CDH18: variants seen among roughly 807,000 people sequenced by gnomAD.
CDH18 encodes the protein cadherin 18.
A neutral mutation model predicts 67.9 loss-of-function variants in CDH18; 31 were observed. The ratio of observed to expected loss-of-function variants is 0.46; its 90% CI spans 0.34 to 0.62. The LOEUF (loss-of-function observed/expected upper bound fraction) is 0.62. CDH18 is among the 20% of genes least tolerant of loss of function. The probability of loss-of-function intolerance (pLI) is 0.01; values close to 1 mark genes in which losing one functional copy is unlikely to be tolerated. For synonymous variants in CDH18, 362 were observed against 347.2 expected, an observed-to-expected ratio of 1.04 and a Z score of -0.48; for missense variants, 890 against 975.5, an observed-to-expected ratio of 0.91 and a Z score of 1.17.
intron 10 of CDH18, among the ~76,000 whole-genome samples, chr5:19,516,843 A>G (rs1231370253): frequency 4.6e-5 from 7 of 151,816 alleles, no homozygotes; most frequent in Non-Finnish European, 7.4e-5. Context: ...TTGTGTCTCT[A>G]TCTATGAATT....
intron 3 of CDH18, among the ~76,000 whole-genome samples, chr5:19,767,711 T>A (rs1773271815): frequency 6.6e-6 from 1 of 152,170 alleles, no homozygotes; most frequent in South Asian, 2.1e-4. Flanking sequence ...ATATTATATA[T>A]AATTGTATGG....
chr5:20,521,123 C>G (rs1394817958), intron 1 of CDH18, among the ~76,000 whole-genome samples: 4 of 152,088 alleles, frequency 2.6e-5, no homozygotes, highest in Non-Finnish European at 5.9e-5. Context: ...AGATATTACA[C>G]CAGTACTAAA....
At chr5:20,014,282 G>A (rs1248404671) in intron 2 of CDH18, among the ~76,000 whole-genome samples, 1 of 152,140 alleles carries the variant, frequency 6.6e-6, no homozygotes, top group Non-Finnish European at 1.5e-5. Flanking sequence ...TCAACAGTCT[G>A]CTGGGCAAGA....
intron 7 of CDH18, among the ~76,000 whole-genome samples, chr5:19,572,262 T>A (rs145876842): frequency 1.3e-5 from 2 of 152,140 alleles, no homozygotes; most frequent in African/African-American, 4.8e-5. Flanking sequence ...CATGGTGAGG[T>A]GAGTGAAGGT....
chr5:19,914,760 C>T (rs954102753), intron 2 of CDH18, among the ~76,000 whole-genome samples: 1 of 151,978 alleles, frequency 6.6e-6, no homozygotes, highest in Non-Finnish European at 1.5e-5. Context: ...GAATCAATCA[C>T]TATTTACCAA....
At chr5:19,522,528 A>T (rs1322342554) in intron 9 of CDH18, among the ~76,000 whole-genome samples, 1 of 152,200 alleles carries the variant, frequency 6.6e-6, no homozygotes, top group African/African-American at 2.4e-5. Context: ...AAAGTTGTTC[A>T]TAGCAATTGA....
chr5:19,815,808 T>C (rs1353737575), intron 3 of CDH18, among the ~76,000 whole-genome samples: 2 of 151,956 alleles, frequency 1.3e-5, no homozygotes, highest in Non-Finnish European at 2.9e-5. Flanking sequence ...TTCTCAGTTT[T>C]TTTATTTCAC....
chr5:19,925,070 T>C (rs916037274), intron 2 of CDH18, among the ~76,000 whole-genome samples: 1 of 152,188 alleles, frequency 6.6e-6, no homozygotes, highest in Non-Finnish European at 1.5e-5. Context: ...GTATGTTATA[T>C]GGAATATATA....
chr5:20,460,382 A>T (rs952993578), intron 1 of CDH18, among the ~76,000 whole-genome samples: 7 of 148,096 alleles, frequency 4.7e-5, no homozygotes, highest in Admixed American at 1.4e-4. Context: ...ACAGAGCGAG[A>T]CTCCATCTCT....
chr5:20,401,600 C>T (rs921738767), intron 1 of CDH18, among the ~76,000 whole-genome samples: 2 of 152,062 alleles, frequency 1.3e-5, no homozygotes, highest in Admixed American at 1.3e-4. Flanking sequence ...ATAAAGAAAC[C>T]ACACACTTAT....
chr5:19,883,206 T>A (rs1276681322), intron 2 of CDH18, among the ~76,000 whole-genome samples: 1 of 152,180 alleles, frequency 6.6e-6, no homozygotes, highest in Admixed American at 6.5e-5. Context: ...CAGATGATTC[T>A]TATGACACTT....
intron 3 of CDH18, among the ~76,000 whole-genome samples, chr5:19,774,426 T>TAAAAATAAAATAAAATAAAATAAAA (rs146014082): frequency 1.1e-4 from 16 of 139,390 alleles, no homozygotes; most frequent in Non-Finnish European, 1.8e-4. Context: ...TAAAATAAAA[T>TAAAAATAAAATAAAATAAAATAAAA]TAAAATAAAA....
At chr5:19,607,732 C>A (rs1490056852) in intron 6 of CDH18, among the ~76,000 whole-genome samples, 1 of 150,508 alleles carries the variant, frequency 6.6e-6, no homozygotes, top group Non-Finnish European at 1.5e-5. Context: ...TAAGTGGTCA[C>A]AAGAAACATT....
At chr5:20,538,317 T>C (rs1217620849) in intron 1 of CDH18, among the ~76,000 whole-genome samples, 3 of 152,200 alleles carry the variant, frequency 2.0e-5, no homozygotes, top group Non-Finnish European at 4.4e-5. Flanking sequence ...TTCTAAAGCA[T>C]TTCTCATGAG....
rs1757830787 is a variant in CDH18 at position 20,555,202 on chromosome 5, T to C, written c.-580+20260A>G. ...CCCACATACAAAAAGAGTTAAGTCA[T>C]GGGAGCATGCATTGAGAAGACAGCC... On this transcript the variant is annotated intron_variant, in intron 1 of 14. Transcript: ENST00000507958. Among the ~76,000 whole-genome samples the C allele has an allele frequency of 2.0e-5, 3 of 152,002 alleles. No homozygotes were observed. In the South Asian group the frequency reaches 6.2e-4, roughly 32 times the overall value.
intron 2 of CDH18, among the ~76,000 whole-genome samples, chr5:20,192,513 T>C (rs983533917): frequency 3.9e-5 from 6 of 152,036 alleles, no homozygotes; most frequent in African/African-American, 9.7e-5. Context: ...AATGCATCTT[T>C]ACTTAATTTT....
chr5:20,207,867 G>A (rs909627137), intron 2 of CDH18, among the ~76,000 whole-genome samples: 1 of 151,968 alleles, frequency 6.6e-6, no homozygotes, highest in East Asian at 1.9e-4. Context: ...AAGCAATCCA[G>A]AGCAAAATGA....
intron 5 of CDH18, among the ~76,000 whole-genome samples, chr5:19,706,781 A>G (rs888863056): frequency 6.6e-6 from 1 of 152,226 alleles, no homozygotes; most frequent in Non-Finnish European, 1.5e-5. Context: ...ATAATTCTCA[A>G]GGACAAGCCA....
intron 1 of CDH18, among the ~76,000 whole-genome samples, chr5:20,540,958 A>C: frequency 6.6e-6 from 1 of 152,204 alleles, no homozygotes; most frequent in East Asian, 1.9e-4. Context: ...CAATCAGTGA[A>C]GACATTAGTG....
Sources: gnomAD v4.1 joint callset for allele counts (sites outside exome capture counted in the v4.1 genomes callset) on GRCh38, gnomAD v4.1.1 for gene constraint, MANE v1.5 for transcripts, NCBI Gene and HGNC (gene_info 2026-07-23, HGNC 2026-07-21) for gene names.